FRMPD2: variants seen among roughly 807,000 people sequenced by gnomAD.
FRMPD2 encodes the protein FERM and PDZ domain containing 2, also known as FERM and PDZ domain-containing protein 2.
In FRMPD2, 96 loss-of-function variants were observed where a neutral mutation model predicts 140.1. The observed-to-expected ratio is 0.69, with a 90% confidence interval of 0.58 to 0.81. The LOEUF is 0.81. Among genes scored for constraint, FRMPD2 ranks in the 40% least tolerant of loss-of-function variants. The pLI is 0.00. For synonymous variants in FRMPD2, 449 were observed against 547.6 expected, an observed-to-expected ratio of 0.82 and a Z score of 2.52; for missense variants, 1,240 against 1,447.4, an observed-to-expected ratio of 0.86 and a Z score of 2.32.
At chr10:48,216,294 A>AGAT (rs1296823921) in intron 12 of FRMPD2, among the ~76,000 whole-genome samples, 1 of 142,776 alleles carries the variant, frequency 7.0e-6, no homozygotes, top group Non-Finnish European at 1.5e-5. Flanking sequence ...GATGATGGAT[A>AGAT]GATAGATAGA....
At chr10:48,249,228 G>T (rs764245695) in intron 2 of FRMPD2, 50 bp from the exon 3 acceptor site, 3 of 1,587,678 alleles carry the variant, frequency 1.9e-6, no homozygotes, top group Non-Finnish European at 2.6e-6. Context: ...TCCATCTGGG[G>T]TGCCAGCATG....
At chr10:48,234,053 G>C (rs991781902) in intron 9 of FRMPD2, among the ~76,000 whole-genome samples, 5 of 152,208 alleles carry the variant, frequency 3.3e-5, no homozygotes, top group Admixed American at 2.0e-4. Context: ...TCCATGCAAA[G>C]GGTGTAACCC....
chr10:48,167,670 A>T (rs1288883504), intron 27 of FRMPD2, among the ~76,000 whole-genome samples: 3 of 147,788 alleles, frequency 2.0e-5, no homozygotes, highest in African/African-American at 7.5e-5. Flanking sequence ...ACCCCACAGA[A>T]GGCATGGCAA....
At position 48,232,226 on chromosome 10, in the gene FRMPD2, G is replaced by T. The variant is rs774155666; in HGVS notation, c.1057C>A (p.His353Asn). The change falls in exon 10 of 29, where the codon CAC (histidine) becomes AAC (asparagine). Residue 353 changes from histidine (H) to asparagine (N), a missense_variant. His to Asn is a moderately conservative substitution (Grantham distance 68). Transcript: ENST00000374201. The part of the protein sequence containing the change: ...DLCVVLLNGQ[H>N]LEVKCDVEST... ...TCAACATCACATTTTACCTCCAGGTGCTGCCCGTTCAGCAGGACCACACAG... is the reference window on the plus strand; with the variant it reads ...TCAACATCACATTTTACCTCCAGGTTCTGCCCGTTCAGCAGGACCACACAG... The T allele has an allele frequency of 1.2e-6, 2 of 1,613,980 alleles. No homozygotes were observed. Among genetic ancestry groups the T allele is most frequent in the African/African-American group, 2.7e-5 (2 of 74,920 alleles).
chr10:48,213,614 C>T (rs1446739106), intron 12 of FRMPD2, among the ~76,000 whole-genome samples: 2 of 151,996 alleles, frequency 1.3e-5, no homozygotes, highest in Non-Finnish European at 1.5e-5. Flanking sequence ...TAAACTGTTA[C>T]ATCCAGACAA....
At chr10:48,174,367 T>C (rs1838349592) in intron 24 of FRMPD2, among the ~76,000 whole-genome samples, 1 of 152,264 alleles carries the variant, frequency 6.6e-6, no homozygotes, top group Admixed American at 6.5e-5. Context: ...CTTGGCACCC[T>C]GAATTCCTAC....
intron 9 of FRMPD2, 81 bp downstream of exon 9, chr10:48,236,401 C>T (rs1296737177): frequency 5.2e-6 from 6 of 1,160,784 alleles, no homozygotes; most frequent in Non-Finnish European, 7.8e-6. Flanking sequence ...TGTGAGACCC[C>T]ATTCAGACAC....
chr10:48,231,253 G>A (rs1233731562), intron 10 of FRMPD2, among the ~76,000 whole-genome samples: 2 of 152,188 alleles, frequency 1.3e-5, no homozygotes, highest in African/African-American at 2.4e-5. Context: ...CTAAAATGGA[G>A]CTGGGAGGCC....
chr10:48,223,787 A>C (rs1374991450), intron 10 of FRMPD2, among the ~76,000 whole-genome samples: 1 of 152,222 alleles, frequency 6.6e-6, no homozygotes, highest in East Asian at 1.9e-4. Flanking sequence ...TTTAGATGAG[A>C]TCATGAGTAT....
In FRMPD2 at chr10:48,216,142, C is replaced by A. The variant is rs112050188; in HGVS notation, c.1456-4033G>T. Among the ~76,000 whole-genome samples, 179 of 152,298 alleles carry A rather than the reference C, an allele frequency of 1.2e-3. 1 individual carries two copies. The highest frequency in any genetic ancestry group is 4.1e-3 in the African/African-American group (172 of 41,566). On this transcript the variant is annotated intron_variant, in intron 12 of 28. Transcript: ENST00000374201. ...TTGGCCCTCCCGGGTTTACAGCCTG[C>A]TAACTACACAGCTTGAGGCTTCTCA...
chr10:48,201,517 G>C, intron 14 of FRMPD2, 133 bp from the exon 15 acceptor site: 1 of 646,392 alleles, frequency 1.5e-6, no homozygotes, highest in Non-Finnish European at 2.6e-6. Context: ...GGCAGATGCT[G>C]TCTGACTATG....
intron 15 of FRMPD2, among the ~76,000 whole-genome samples, chr10:48,197,640 C>T (rs1378853823): frequency 6.6e-6 from 1 of 152,074 alleles, no homozygotes; most frequent in Non-Finnish European, 1.5e-5. Context: ...TGCTGCAGCT[C>T]CAGGAACCAC....
chr10:48,249,608 T>C (rs188788648), intron 2 of FRMPD2, among the ~76,000 whole-genome samples: 1 of 152,280 alleles, frequency 6.6e-6, no homozygotes, highest in Admixed American at 6.5e-5. Context: ...GCCTCCTCCA[T>C]AGGCCCATGC....
chr10:48,163,180 C>A, intron 28 of FRMPD2, 148 bp downstream of exon 28: 1 of 446,500 alleles, frequency 2.2e-6, no homozygotes, highest in South Asian at 1.9e-5. Flanking sequence ...AGACTTTATG[C>A]TTCTCTTGTT....
chr10:48,230,640 G>T (rs1269612774), intron 10 of FRMPD2, among the ~76,000 whole-genome samples: 1 of 152,198 alleles, frequency 6.6e-6, no homozygotes, highest in Non-Finnish European at 1.5e-5. Flanking sequence ...CTGTAGAAAA[G>T]AAATTATGCT....
intron 27 of FRMPD2, among the ~76,000 whole-genome samples, chr10:48,164,361 G>T (rs1838038408): frequency 6.6e-6 from 1 of 151,184 alleles, no homozygotes; most frequent in South Asian, 2.1e-4. Context: ...TTTAACATCT[G>T]CCTGGTTCCC....
chr10:48,164,196 C>A (rs1224703068), intron 27 of FRMPD2, among the ~76,000 whole-genome samples: 1 of 150,616 alleles, frequency 6.6e-6, no homozygotes, highest in East Asian at 1.9e-4. Flanking sequence ...CACTGCTTGA[C>A]CTTCTACAGA....
intron 9 of FRMPD2, among the ~76,000 whole-genome samples, chr10:48,236,219 C>T (rs761818656): frequency 2.0e-5 from 3 of 152,158 alleles, no homozygotes; most frequent in African/African-American, 7.2e-5. Flanking sequence ...GTGCCTGGCA[C>T]CTGGTAGATG....
At chr10:48,194,565 G>C (rs1280295338) in intron 15 of FRMPD2, among the ~76,000 whole-genome samples, 1 of 152,212 alleles carries the variant, frequency 6.6e-6, no homozygotes, top group Non-Finnish European at 1.5e-5. Context: ...ACTGTACAGA[G>C]ACTGTGATTA....
Sources: gnomAD v4.1 joint callset for allele counts (sites outside exome capture counted in the v4.1 genomes callset) on GRCh38, gnomAD v4.1.1 for gene constraint, MANE v1.5 for transcripts, NCBI Gene and HGNC (gene_info 2026-07-23, HGNC 2026-07-21) for gene names.